The following CTNND2 variants were observed in gnomAD, a reference collection of about 807,000 sequenced individuals.
CTNND2 encodes catenin delta 2, also known as catenin delta-2.
In CTNND2, 22 loss-of-function variants were observed where a neutral mutation model predicts 144.4. That is an observed-to-expected ratio of 0.15 (90% CI 0.11 to 0.22). The LOEUF (loss-of-function observed/expected upper bound fraction) is 0.22, where lower values mean the gene tolerates loss of function less well. Ranked by LOEUF, CTNND2 falls within the 10% of genes least tolerant of loss-of-function variation. CTNND2 has a pLI of 1.00. For synonymous variants in CTNND2, 751 were observed against 695.6 expected (o/e 1.08, Z -1.25); for missense variants, 1,353 against 1,618.8 (o/e 0.84, Z 2.82).
chr5:11,831,300 A>C (rs1031399220), intron 1 of CTNND2, among the ~76,000 whole-genome samples: 1 of 152,056 alleles, frequency 6.6e-6, no homozygotes, highest in South Asian at 2.1e-4. Flanking sequence ...TACTGCCTCA[A>C]TCAAGACCCA....
At position 11,021,985 on chromosome 5, in the gene CTNND2, C is replaced by T. The variant is rs961558736; in HGVS notation, c.2999+784G>A. 4.6e-5 allele frequency among the ~76,000 whole-genome samples: 7 copies of T among 152,106 alleles called. No homozygotes were observed. In the East Asian group the frequency reaches 9.6e-4, roughly 21 times the overall value. Reference sequence around the variant, plus strand: ...TTGACACCTTGCTGATATACCGATGCGCTGGCTTGTGAAGCTATTTTCCAG... The same window carrying T: ...TTGACACCTTGCTGATATACCGATGTGCTGGCTTGTGAAGCTATTTTCCAG... On this transcript the variant is annotated intron_variant, in intron 17 of 21. Coordinates refer to ENST00000304623, the MANE Select transcript of CTNND2 (RefSeq NM_001332.4).
chr5:11,455,481 T>C lies in CTNND2; in HGVS notation c.288-43412A>G, dbSNP rs138882462. Among the ~76,000 whole-genome samples the C allele has an allele frequency of 3.3e-5, 5 of 152,274 alleles. No individual in the cohort carries two copies. The East Asian group carries it at 7.7e-4, about 24-fold the overall frequency. ...CTGTGTGAAGCACAAACAGAGCTGGTGCATCCCTACACTCATCATGGGACT... is the reference window on the plus strand; with the variant it reads ...CTGTGTGAAGCACAAACAGAGCTGGCGCATCCCTACACTCATCATGGGACT... On this transcript the variant is annotated intron_variant, in intron 3 of 21. Coordinates refer to ENST00000304623, the MANE Select transcript of CTNND2 (RefSeq NM_001332.4).
chr5:11,307,233 T>C (rs1750333565), intron 9 of CTNND2, among the ~76,000 whole-genome samples: 1 of 152,160 alleles, frequency 6.6e-6, no homozygotes, highest in African/African-American at 2.4e-5. Context: ...TCTCTGCTCC[T>C]GAATCAGTGA....
chr5:11,117,581 G>T lies in CTNND2; in HGVS notation c.2160-14C>A, dbSNP rs111573890. On this transcript the variant is annotated splice_polypyrimidine_tract_variant and intron_variant, in intron 12 of 21. Coordinates refer to ENST00000304623, the MANE Select transcript of CTNND2 (RefSeq NM_001332.4). ...GAACTAACATTCCTGCAAAGCAAAA[G>T]GACACGTCAGCGATCTTCACGGTTG... The T allele has an allele frequency of 2.5e-6, 4 of 1,597,806 alleles. No homozygotes were observed. The highest frequency in any genetic ancestry group is 3.4e-6 in the Non-Finnish European group (4 of 1,165,308).
Position 10,973,062 on chromosome 5 carries a change from G to A in CTNND2, c.*391C>T, listed in dbSNP as rs998146832. Reference sequence around the variant, plus strand: ...AACGGATGAAGAGAGTAAACAAAGCGTGAGAAGCCGTCCCCCACACAGTGT... The same window carrying A: ...AACGGATGAAGAGAGTAAACAAAGCATGAGAAGCCGTCCCCCACACAGTGT... On this transcript the variant is annotated 3_prime_UTR_variant, in exon 22 of 22. Transcript: ENST00000304623. This position sits in a 1 kb window ranked among gnomAD's most constrained non-coding sequence, Gnocchi z 5.6. 1.2e-5 allele frequency: 2 copies of A among 161,492 alleles called. No homozygotes were observed. Among genetic ancestry groups the A allele is most frequent in the Non-Finnish European group, 2.7e-5 (2 of 74,282 alleles). 10.0% of individuals were successfully genotyped at this position (161,492 alleles called of 1,614,324 possible).
At chr5:11,278,408 T>C (rs1333699667) in intron 9 of CTNND2, among the ~76,000 whole-genome samples, 1 of 152,184 alleles carries the variant, frequency 6.6e-6, no homozygotes, top group African/African-American at 2.4e-5. Flanking sequence ...AAGAACAATT[T>C]TGTCCTCCAC....
chr5:11,434,561 CTATT>C (rs1241715827), intron 3 of CTNND2, among the ~76,000 whole-genome samples: 5 of 152,016 alleles, frequency 3.3e-5, no homozygotes, highest in African/African-American at 9.7e-5. Flanking sequence ...GCACAATAAA[CTATT>C]TAGGGGGATG....
At chr5:11,748,577 T>C (rs1324582430) in intron 1 of CTNND2, among the ~76,000 whole-genome samples, 1 of 152,078 alleles carries the variant, frequency 6.6e-6, no homozygotes, top group African/African-American at 2.4e-5. Flanking sequence ...AATTTACAAT[T>C]TGTACAAATC....
At position 11,672,109 on chromosome 5, in the gene CTNND2, A is replaced by C. The variant is rs187464185; in HGVS notation, c.174+60027T>G. On this transcript the variant is annotated intron_variant, in intron 2 of 21. Transcript: ENST00000304623. ...CTGTTTGCCTGGGTATCACCGGCAGAGGCTGCAGATCAGCAAAGATTCCTG... is the reference window on the plus strand; with the variant it reads ...CTGTTTGCCTGGGTATCACCGGCAGCGGCTGCAGATCAGCAAAGATTCCTG... 3.9e-4 allele frequency among the ~76,000 whole-genome samples: 59 copies of C among 152,344 alleles called. 1 individual carries two copies. In the East Asian group the frequency reaches 0.011, roughly 29 times the overall value.
rs772102141 is a variant in CTNND2, at chr5:11,022,815, C to T, written c.2953G>A (p.Gly985Ser). 3.9e-5 allele frequency: 63 copies of T among 1,614,048 alleles called. No individual in the cohort carries two copies. The highest frequency in any genetic ancestry group is 4.4e-5 in the Non-Finnish European group (52 of 1,180,024). ...ATGCCGACCAACTTCTCGATGCCAC[C>T]GGCATCCCGTAAGGCCTTGGCGTTC... ...MENAKALRDA[G>S]GIEKLVGISK... The change falls in exon 17 of 22, where the codon GGT (glycine) becomes AGT (serine). Residue 985 changes from glycine to serine, a missense_variant. By Grantham distance (56) the Gly-to-Ser change is moderately conservative. Around this residue, in one of 4 missense-constraint regions of CTNND2, gnomAD observed 459 missense variants for 674.3 expected, o/e 0.68. Coordinates refer to ENST00000304623, the MANE Select transcript of CTNND2 (RefSeq NM_001332.4).
At chr5:11,344,754 T>A (rs561446458) in intron 9 of CTNND2, among the ~76,000 whole-genome samples, 1 of 152,172 alleles carries the variant, frequency 6.6e-6, no homozygotes, top group Non-Finnish European at 1.5e-5. Context: ...ATAAGTGACA[T>A]AATCCATAAC....
rs1356331813 is a variant in CTNND2 at position 11,148,110 on chromosome 5, G to T, written c.2159+11466C>A. Among the ~76,000 whole-genome samples the T allele has an allele frequency of 7.9e-5, 12 of 152,316 alleles. No homozygotes were observed. The South Asian group carries it at 2.3e-3, about 29-fold the overall frequency. ...GTAGGATCCTATTTATATGAAATAT[G>T]CAGAAGAGATAGATTCATAGAGAAA... On this transcript the variant is annotated intron_variant, in intron 12 of 21. Coordinates refer to ENST00000304623, the MANE Select transcript of CTNND2 (RefSeq NM_001332.4).
intron 3 of CTNND2, among the ~76,000 whole-genome samples, chr5:11,539,482 T>C (rs1450104525): frequency 6.6e-6 from 1 of 152,220 alleles, no homozygotes; most frequent in Non-Finnish European, 1.5e-5. Flanking sequence ...AACTTGCTGT[T>C]TACAAGTGCC....
chr5:11,084,267 A>ATCCCC (rs898934308), intron 15 of CTNND2, among the ~76,000 whole-genome samples: 1 of 152,194 alleles, frequency 6.6e-6, no homozygotes, highest in Non-Finnish European at 1.5e-5. Context: ...CGGAACTGAT[A>ATCCCC]TCCCCTCCCA....
chr5:11,428,089 C>T (rs901807567), intron 3 of CTNND2, among the ~76,000 whole-genome samples: 2 of 152,070 alleles, frequency 1.3e-5, no homozygotes, highest in East Asian at 1.9e-4. Flanking sequence ...AAAAAGACCG[C>T]CCCCATGATT....
At position 11,882,799 on chromosome 5, in the gene CTNND2, T is replaced by A. The variant is rs148690716; in HGVS notation, c.37+21018A>T. Among the ~76,000 whole-genome samples, 693 of 152,290 alleles carry A rather than the reference T, an allele frequency of 4.6e-3. 6 individuals are homozygous for A. The highest frequency in any genetic ancestry group is 0.016 in the African/African-American group (657 of 41,570). On this transcript the variant is annotated intron_variant, in intron 1 of 21. Coordinates refer to ENST00000304623, the MANE Select transcript of CTNND2 (RefSeq NM_001332.4). ...TGCTTTGGCTACTTAGAGTCTTTTG[T>A]GGTTCCATAAAAATGATATAATTGT...
chr5:11,693,341 A>T (rs1287842500), intron 2 of CTNND2, among the ~76,000 whole-genome samples: 1 of 152,234 alleles, frequency 6.6e-6, no homozygotes, highest in Non-Finnish European at 1.5e-5. Context: ...AGCAAACCAA[A>T]TGGACAGATA....
In CTNND2 at chr5:11,371,895, A is replaced by C. The variant is rs193118520; in HGVS notation, c.1178-7005T>G. Among the ~76,000 whole-genome samples, 284 of 152,352 alleles carry C rather than the reference A, an allele frequency of 1.9e-3. 1 individual carries two copies. Among genetic ancestry groups the C allele is most frequent in the African/African-American group, 6.5e-3 (272 of 41,584 alleles). On this transcript the variant is annotated intron_variant, in intron 7 of 21. Coordinates refer to ENST00000304623, the MANE Select transcript of CTNND2 (RefSeq NM_001332.4). Reference sequence around the variant, plus strand: ...TGAAACCAAATAATTCCAGTGTAACAGGCCATCTGATAATATAAAATGATC... The same window carrying C: ...TGAAACCAAATAATTCCAGTGTAACCGGCCATCTGATAATATAAAATGATC...
At chr5:11,100,588 G>T (rs1488491826) in intron 14 of CTNND2, among the ~76,000 whole-genome samples, 1 of 152,148 alleles carries the variant, frequency 6.6e-6, no homozygotes, top group Non-Finnish European at 1.5e-5. Flanking sequence ...AGCAATATTG[G>T]CCTCTCAAAG....
Sources: allele counts gnomAD v4.1 joint callset (sites outside exome capture counted in the v4.1 genomes callset), GRCh38; gene constraint gnomAD v4.1.1; regional missense constraint gnomAD v4.1.1; non-coding constraint Gnocchi (gnomAD v3.1); transcripts MANE v1.5; gene names NCBI Gene and HGNC (gene_info 2026-07-23, HGNC 2026-07-21).